ARAP1: variants seen among roughly 807,000 people sequenced by gnomAD.
The protein encoded by ARAP1 is arf-GAP with Rho-GAP domain, ANK repeat and PH domain-containing protein 1.
Under a neutral mutation model 172.2 loss-of-function variants are expected in ARAP1, and 76 were observed. That is an observed-to-expected ratio of 0.44 (90% CI 0.37 to 0.53). The LOEUF (loss-of-function observed/expected upper bound fraction) is 0.53. Ranked by LOEUF, ARAP1 falls within the 20% of genes least tolerant of loss-of-function variation. The pLI, the probability that ARAP1 is intolerant of heterozygous loss-of-function variation, is 0.00. For missense variants in ARAP1, 1,686 were observed against 1,977.5 expected (o/e 0.85, Z 2.80); for synonymous variants, 804 against 803.3 (o/e 1.00, Z -0.01).
intron 1 of ARAP1, among the ~76,000 whole-genome samples, chr11:72,746,792 A>G (rs1858381322): frequency 6.6e-6 from 1 of 151,972 alleles, no homozygotes; most frequent in East Asian, 1.9e-4. Flanking sequence ...CTGAAGCTCC[A>G]GGGAAGTTGA....
In ARAP1 at chr11:72,709,888, G is replaced by A. The variant is rs544298839; in HGVS notation, c.1505C>T (p.Thr502Met). 9.3e-6 allele frequency: 15 copies of A among 1,614,174 alleles called. No homozygotes were observed. The highest frequency in any genetic ancestry group is 5.5e-5 in the South Asian group (5 of 91,086). The change falls in exon 11 of 35, where the codon ACG becomes ATG. Residue 502 changes from threonine to methionine, a missense_variant. By Grantham distance (81) the Thr-to-Met change is moderately conservative. Transcript: ENST00000393609. Reference sequence around the variant, plus strand: ...GGGTCACCTGAAGATGCGGTAGGGCGTGGTGAGGTCGAAGCTGCGCCGGTC... The same window carrying A: ...GGGTCACCTGAAGATGCGGTAGGGCATGGTGAGGTCGAAGCTGCGCCGGTC... The part of the protein sequence containing the change: ...EVDRRSFDLT[T>M]PYRIFSFSAD...
chr11:72,703,198 C>T (rs1856578364), intron 14 of ARAP1, 119 bp from the exon 15 acceptor site: 12 of 1,011,132 alleles, frequency 1.2e-5, no homozygotes, highest in Admixed American at 9.1e-5. Context: ...GCAGTCCATC[C>T]TCAGACTGAA....
At chr11:72,729,034 A>G (rs575435511) in intron 2 of ARAP1, among the ~76,000 whole-genome samples, 17 of 152,358 alleles carry the variant, frequency 1.1e-4, no homozygotes, top group Non-Finnish European at 2.1e-4. Flanking sequence ...AAAACATATT[A>G]TAAAGCCACA....
Position 72,695,469 on chromosome 11 carries a change from G to A in ARAP1, c.3508-14C>T. On this transcript the variant is annotated splice_polypyrimidine_tract_variant and intron_variant, in intron 25 of 34. Transcript: ENST00000393609. The surrounding 1 kb of genome is among the most constrained non-coding windows in gnomAD (Gnocchi z 4.4). Reference sequence around the variant, plus strand: ...GTCACCGGCATGCTGCAGGGAGACAGGGCTCAGCTGGGGGCCTAGGAAATG... The same window carrying A: ...GTCACCGGCATGCTGCAGGGAGACAAGGCTCAGCTGGGGGCCTAGGAAATG... The A allele has an allele frequency of 6.2e-7, 1 of 1,614,262 alleles. No individual in the cohort carries two copies. The highest frequency in any genetic ancestry group is 1.7e-5 in the Admixed American group (1 of 60,038).
In ARAP1 at chr11:72,697,643, T is replaced by G. The variant is rs768944058; in HGVS notation, c.2744A>C (p.Gln915Pro). 2.5e-6 allele frequency: 4 copies of G among 1,613,962 alleles called. No individual in the cohort carries two copies. The highest frequency in any genetic ancestry group is 3.4e-6 in the Non-Finnish European group (4 of 1,179,984). ...CAGCACCTGGTTCTCACTGTCCCCC[T>G]GGATGGCTGTGGAGGGGTTAGTCAA... ...QLRKLQELSI[Q>P]GDSENQVLVL... Residue 915 changes from glutamine to proline, a missense_variant, in exon 20 of 35, where the codon CAG becomes CCG. Gln to Pro is a moderately conservative substitution (Grantham distance 76, BLOSUM62 -1). Transcript: ENST00000393609.
At chr11:72,745,794 C>T (rs1051301003) in intron 1 of ARAP1, among the ~76,000 whole-genome samples, 39 of 152,268 alleles carry the variant, frequency 2.6e-4, no homozygotes, top group African/African-American at 8.9e-4. Context: ...CAGTGCCCTT[C>T]TCCTGGACGA....
intron 3 of ARAP1, among the ~76,000 whole-genome samples, chr11:72,723,582 G>T (rs1481266551): frequency 6.6e-6 from 1 of 152,176 alleles, no homozygotes; most frequent in Admixed American, 6.5e-5. Flanking sequence ...ACGTAGGTTG[G>T]GTAGTAGGAT....
At chr11:72,714,806 G>C (rs1023080640) in intron 3 of ARAP1, among the ~76,000 whole-genome samples, 1 of 152,140 alleles carries the variant, frequency 6.6e-6, no homozygotes, top group African/African-American at 2.4e-5. Context: ...TCTGTCTCAA[G>C]ATCACCTTGC....
Position 72,710,088 on chromosome 11 carries a change from A to G in ARAP1, c.1417-112T>C. Reference sequence around the variant, plus strand: ...AACTCAGGGACTGGGGGGGGTGCCCAGGAGGGAGACAGCAGGGGACATGGG... The same window carrying G: ...AACTCAGGGACTGGGGGGGGTGCCCGGGAGGGAGACAGCAGGGGACATGGG... On this transcript the variant is annotated intron_variant, in intron 10 of 34. Coordinates refer to ENST00000393609, the MANE Select transcript of ARAP1 (RefSeq NM_001040118.3). The surrounding 1 kb of genome is among the most constrained non-coding windows in gnomAD (Gnocchi z 4.3). 1 of 996,340 alleles carries G rather than the reference A, an allele frequency of 1.0e-6. No homozygotes were observed. The highest frequency in any genetic ancestry group is 1.6e-6 in the Non-Finnish European group (1 of 636,466). 61.7% of individuals were successfully genotyped at this position (996,340 alleles called of 1,614,324 possible).
intron 2 of ARAP1, among the ~76,000 whole-genome samples, chr11:72,729,739 A>G (rs765239397): frequency 5.9e-5 from 9 of 151,756 alleles, no homozygotes; most frequent in Non-Finnish European, 1.0e-4. Context: ...GCAACACAGC[A>G]AGACTCTGTC....
rs1275931886 is a variant in ARAP1, at chr11:72,693,708, G to A, written c.3792C>T (p.Ala1264=). Residue 1264 remains alanine, a synonymous_variant, in exon 28 of 35, where the codon GCC becomes GCT. Coordinates refer to ENST00000393609, the MANE Select transcript of ARAP1 (RefSeq NM_001040118.3). The surrounding 1 kb of genome is among the most constrained non-coding windows in gnomAD (Gnocchi z 4.6). The part of the protein sequence containing the change: ...LVVKKHQAME[A]MLLYLASRVG... ...ACCACCTACCCAGGTACAGCAGCAT[G>A]GCCTCCATGGCCTGGTGCTTCTTCA... is the stretch of plus-strand genomic sequence containing the variant. The A allele has an allele frequency of 1.2e-6, 2 of 1,607,684 alleles. No homozygotes were observed. Among genetic ancestry groups the A allele is most frequent in the Non-Finnish European group, 1.7e-6 (2 of 1,177,162 alleles).
At chr11:72,691,584 C>T (rs762931018) in intron 30 of ARAP1, among the ~76,000 whole-genome samples, 4 of 152,166 alleles carry the variant, frequency 2.6e-5, no homozygotes, top group Non-Finnish European at 5.9e-5. Context: ...TTAGAGGAGG[C>T]ACAAAATGCA....
At chr11:72,734,153 C>T (rs1250743110) in intron 1 of ARAP1, among the ~76,000 whole-genome samples, 1 of 152,166 alleles carries the variant, frequency 6.6e-6, no homozygotes, top group African/African-American at 2.4e-5. Context: ...CAGGGTCTTG[C>T]TCTGTTGCCC....
chr11:72,746,442 C>T (rs74333814), intron 1 of ARAP1, among the ~76,000 whole-genome samples: 17,763 of 152,252 alleles, frequency 0.12, 1,382 homozygotes, highest in South Asian at 0.19. Context: ...GGCTGAAGCA[C>T]GGCACATGCC....
Position 72,723,330 on chromosome 11 carries a change from A to G in ARAP1, c.509+3290T>C, listed in dbSNP as rs1034037730. Reference sequence around the variant, plus strand: ...CTCTATTAATAATAATGATGATAATAATAATAATAATAGCAGGGGGTGCAG... The same window carrying G: ...CTCTATTAATAATAATGATGATAATGATAATAATAATAGCAGGGGGTGCAG... On this transcript the variant is annotated intron_variant, in intron 3 of 34. Transcript: ENST00000393609. Among the ~76,000 whole-genome samples, 18 of 151,990 alleles carry G rather than the reference A, an allele frequency of 1.2e-4. No homozygotes were observed. The South Asian group carries it at 2.3e-3, about 19-fold the overall frequency.
Position 72,710,396 on chromosome 11 carries a change from T to C in ARAP1, c.1405A>G (p.Lys469Glu), listed in dbSNP as rs574447186. ...TGACCCCTTAGCACCTCTAGATTCT[T>C]GTAGAGCTGCACTTTGTCCCCGACC... Reference protein sequence around the residue: ...AVVGDKVQLYKNLEEYHLGIG... With the variant: ...AVVGDKVQLYENLEEYHLGIG... The change falls in exon 10 of 35, where the codon AAG becomes GAG. Residue 469 changes from lysine (K) to glutamate (E), a missense_variant. Transcript: ENST00000393609. The surrounding 1 kb of genome is among the most constrained non-coding windows in gnomAD (Gnocchi z 4.3). 2 of 1,613,958 alleles carry C rather than the reference T, an allele frequency of 1.2e-6. No homozygotes were observed. Among genetic ancestry groups the C allele is most frequent in the South Asian group, 1.1e-5 (1 of 91,070 alleles).
chr11:72,739,685 C>G (rs934321719), intron 1 of ARAP1, among the ~76,000 whole-genome samples: 1 of 152,200 alleles, frequency 6.6e-6, no homozygotes, highest in African/African-American at 2.4e-5. Context: ...GACACGCCAC[C>G]GCATGTGTAC....
chr11:72,699,284 G>A lies in ARAP1; in HGVS notation c.2438+133C>T, dbSNP rs1856364196. 21 of 1,449,384 alleles carry A rather than the reference G, an allele frequency of 1.4e-5. No homozygotes were observed. The highest frequency in any genetic ancestry group is 3.9e-5 in the Admixed American group (2 of 50,638). The allele number at this position is 1,449,384 out of a possible 1,614,324, so 89.8% of individuals were successfully genotyped here. The stretch of plus-strand genomic sequence containing the variant: ...GCTGGGGCCTCAAGAGACTGGAGTC[G>A]GCCCTTGTGCAGCCTCCGTTTGCTG... On this transcript the variant is annotated intron_variant, in intron 17 of 34. Transcript: ENST00000393609. The surrounding 1 kb of genome is among the most constrained non-coding windows in gnomAD (Gnocchi z 4.2).
At position 72,686,146 on chromosome 11, in the gene ARAP1, C is replaced by G; in HGVS notation, c.4231G>C (p.Ala1411Pro). The G allele has an allele frequency of 2.5e-6, 4 of 1,614,018 alleles. No individual in the cohort carries two copies. Among genetic ancestry groups the G allele is most frequent in the Non-Finnish European group, 3.4e-6 (4 of 1,180,034 alleles). ...WPSEPSRVSR[A>P]VPEVRLGSVS... Reference sequence around the variant, plus strand: ...CTACCCAGCCGGACCTCAGGCACTGCCCGGGACACGCGTGAGGGCTCTGAG... The same window carrying G: ...CTACCCAGCCGGACCTCAGGCACTGGCCGGGACACGCGTGAGGGCTCTGAG... Residue 1411 changes from alanine to proline, a missense_variant, in exon 34 of 35, where the codon GCA (alanine) becomes CCA (proline). Physicochemically the swap from Ala to Pro is conservative, Grantham distance 27. Coordinates refer to ENST00000393609, the MANE Select transcript of ARAP1 (RefSeq NM_001040118.3).
Sources: allele counts gnomAD v4.1 joint callset (sites outside exome capture counted in the v4.1 genomes callset), GRCh38; gene constraint gnomAD v4.1.1; non-coding constraint Gnocchi (gnomAD v3.1); transcripts MANE v1.5; gene names NCBI Gene and HGNC (gene_info 2026-07-23, HGNC 2026-07-21).